PRKD2: variants seen among roughly 807,000 people sequenced by gnomAD.
The protein encoded by PRKD2 is protein kinase D2, also known as serine/threonine-protein kinase D2.
Under a neutral mutation model 86.0 loss-of-function variants are expected in PRKD2, and 22 were observed. The ratio of observed to expected loss-of-function variants is 0.26; its 90% CI spans 0.18 to 0.37. The LOEUF is 0.37. PRKD2 is among the 10% of genes least tolerant of loss of function. PRKD2 has a pLI of 1.00. For synonymous variants in PRKD2, 509 were observed against 510.9 expected, an observed-to-expected ratio of 1.00 and a Z score of 0.05; for missense variants, 818 against 1,199.2, an observed-to-expected ratio of 0.68 and a Z score of 4.70.
chr19:46,699,569 G>A (rs2053608179), intron 7 of PRKD2, among the ~76,000 whole-genome samples: 1 of 152,204 alleles, frequency 6.6e-6, no homozygotes, highest in Non-Finnish European at 1.5e-5. Context: ...GAAGCGCCTA[G>A]CAAGTGAAGT....
chr19:46,694,057 T>C lies in PRKD2; in HGVS notation c.1394A>G (p.His465Arg), dbSNP rs2122683882. The change falls in exon 10 of 18, where the codon CAC becomes CGC. Residue 465 changes from histidine (H) to arginine (R), a missense_variant. Coordinates refer to ENST00000291281, the MANE Select transcript of PRKD2 (RefSeq NM_016457.5). ...FSLVPPGTNPHCFEIVTANAT... is the reference protein window; with the variant it reads ...FSLVPPGTNPRCFEIVTANAT... Reference sequence around the variant, plus strand: ...ATTGGCAGTGACGATCTCAAAGCAGTGTGGGTTGGTGCCCGGCGGCACAAG... The same window carrying C: ...ATTGGCAGTGACGATCTCAAAGCAGCGTGGGTTGGTGCCCGGCGGCACAAG... The C allele has an allele frequency of 1.2e-6, 2 of 1,613,996 alleles. No individual in the cohort carries two copies. Among genetic ancestry groups the C allele is most frequent in the Non-Finnish European group, 1.7e-6 (2 of 1,179,994 alleles).
intron 9 of PRKD2, among the ~76,000 whole-genome samples, chr19:46,695,189 T>C (rs1196414966): frequency 6.7e-6 from 1 of 149,650 alleles, no homozygotes; most frequent in African/African-American, 2.5e-5. Flanking sequence ...AGAGCCTGTC[T>C]CAAAATAAAT....
intron 16 of PRKD2, among the ~76,000 whole-genome samples, chr19:46,677,885 C>A (rs2053233884): frequency 6.6e-6 from 1 of 152,166 alleles, no homozygotes; most frequent in South Asian, 2.1e-4. Flanking sequence ...AGGCTTCAGG[C>A]CCATCTTCAC....
At chr19:46,685,466 A>C (rs933391797) in intron 14 of PRKD2, 2 of 152,210 alleles carry the variant, frequency 1.3e-5, no homozygotes, top group African/African-American at 4.8e-5. Flanking sequence ...TCAGGAGGTA[A>C]AGGGCTTAGC....
At chr19:46,700,661 G>T in intron 7 of PRKD2, 138 bp downstream of exon 7, 1 of 1,156,232 alleles carries the variant, frequency 8.6e-7, no homozygotes, top group Non-Finnish European at 1.2e-6. Context: ...AAATTGTAGT[G>T]CTTTAAAAGG....
chr19:46,688,117 T>C (rs1004567232), intron 14 of PRKD2, among the ~76,000 whole-genome samples: 2 of 152,160 alleles, frequency 1.3e-5, no homozygotes, highest in African/African-American at 4.8e-5. Context: ...CTCCAACTCC[T>C]GGCTTCAAGC....
chr19:46,678,320 CCT>C lies in PRKD2; in HGVS notation c.2338+74_2338+75del, dbSNP rs759559374. 49 of 1,549,904 alleles carry C rather than the reference CCT, an allele frequency of 3.2e-5. No individual in the cohort carries two copies. Among genetic ancestry groups the C allele is most frequent in the Non-Finnish European group, 4.0e-5 (46 of 1,150,540 alleles). ...GCCAGGCTGTTTCCGGGTCCACCCCCCTCTCATGGCTCCGCCCACTTCTCCAG... is the reference window on the plus strand; with the variant it reads ...GCCAGGCTGTTTCCGGGTCCACCCCCCTCATGGCTCCGCCCACTTCTCCAG... On this transcript the variant is annotated intron_variant, in intron 16 of 17. Transcript: ENST00000291281. This position sits in a 1 kb window ranked among gnomAD's most constrained non-coding sequence, Gnocchi z 5.7.
chr19:46,686,292 C>G (rs1426779841), intron 14 of PRKD2: 3 of 151,706 alleles, frequency 2.0e-5, no homozygotes, highest in African/African-American at 7.3e-5. Flanking sequence ...ACCACTTAAG[C>G]CCAGGAGTTC....
chr19:46,697,302 T>C, intron 8 of PRKD2, 68 bp from the exon 9 acceptor site: 9 of 1,222,454 alleles, frequency 7.4e-6, no homozygotes, highest in Non-Finnish European at 1.1e-5. Context: ...CCCGTGGAGC[T>C]GCTTGGGGCT....
intron 16 of PRKD2, among the ~76,000 whole-genome samples, chr19:46,676,360 G>C (rs946812187): frequency 1.3e-5 from 2 of 152,216 alleles, no homozygotes. Context: ...AGGAGGCAGA[G>C]GTTGCAGTGA....
At chr19:46,702,973 G>A (rs2122741738) in intron 5 of PRKD2, among the ~76,000 whole-genome samples, 1 of 152,226 alleles carries the variant, frequency 6.6e-6, no homozygotes, top group African/African-American at 2.4e-5. Context: ...ACATGCATGA[G>A]CCACCACACC....
At chr19:46,695,484 A>G (rs1165215200) in intron 9 of PRKD2, among the ~76,000 whole-genome samples, 2 of 152,254 alleles carry the variant, frequency 1.3e-5, no homozygotes, top group Non-Finnish European at 2.9e-5. Flanking sequence ...CTCCGTCTCA[A>G]AAATAAACGT....
At position 46,713,883 on chromosome 19, in the gene PRKD2, A is replaced by G; in HGVS notation, c.359T>C (p.Leu120Pro). Reference protein sequence around the residue: ...RSSGDIQEGDLVEVVLSASAT... With the variant: ...RSSGDIQEGDPVEVVLSASAT... ...CTCACCCGACAGCACCACCTCCACCAGGTCGCCCTCCTGGATGTCTCCGGA... is the reference window on the plus strand; with the variant it reads ...CTCACCCGACAGCACCACCTCCACCGGGTCGCCCTCCTGGATGTCTCCGGA... Residue 120 changes from leucine to proline, a missense_variant, in exon 2 of 18, where the codon CTG (leucine) becomes CCG (proline). Coordinates refer to ENST00000291281, the MANE Select transcript of PRKD2 (RefSeq NM_016457.5). 6.9e-7 allele frequency: 1 copy of G among 1,455,392 alleles called. No individual in the cohort carries two copies. The highest frequency in any genetic ancestry group is 9.2e-7 in the Non-Finnish European group (1 of 1,087,204). 90.2% of individuals were successfully genotyped at this position (1,455,392 alleles called of 1,614,324 possible). A position where few individuals can be genotyped will look rare whatever the true frequency, so the allele number is the denominator to read the frequency against.
rs1376793567 is a variant in PRKD2 at position 46,702,043 on chromosome 19, T to TG, written c.890-932_890-931insC. Reference sequence around the variant, plus strand: ...GTTCTATGATTCTGTTTTTTGTTTTTTTTTTTTTTTTTTAAGAAACAGTCT... The same window carrying TG: ...GTTCTATGATTCTGTTTTTTGTTTTTGTTTTTTTTTTTTTAAGAAACAGTCT... On this transcript the variant is annotated intron_variant, in intron 5 of 17. Transcript: ENST00000291281. Among the ~76,000 whole-genome samples the TG allele has an allele frequency of 1.5e-4, 22 of 149,922 alleles. 1 individual carries two copies. The highest frequency in any genetic ancestry group is 4.9e-4 in the African/African-American group (20 of 40,568).
At chr19:46,695,902 G>C (rs567347489) in intron 9 of PRKD2, among the ~76,000 whole-genome samples, 2 of 151,980 alleles carry the variant, frequency 1.3e-5, no homozygotes, top group Non-Finnish European at 2.9e-5. Flanking sequence ...GCAGTGACGC[G>C]ATCTCAGCTC....
intron 15 of PRKD2, among the ~76,000 whole-genome samples, 196 bp downstream of exon 15, chr19:46,681,454 C>T (rs569640698): frequency 2.0e-5 from 3 of 151,736 alleles, no homozygotes; most frequent in Admixed American, 6.6e-5. Context: ...GATGAGGTCT[C>T]GCTATGTTGC....
rs60376212 is a variant in PRKD2, at chr19:46,688,499, C to T, written c.1971+1038G>A. Among the ~76,000 whole-genome samples the T allele has an allele frequency of 3.4e-3, 507 of 150,368 alleles. 3 individuals are homozygous for T. Among genetic ancestry groups the T allele is most frequent in the African/African-American group, 0.011 (465 of 40,906 alleles). ...TCCCCCAGGCTGGAGTACAATGGCACGATCTCAGCTCACTGTAACCTCTGC... is the reference window on the plus strand; with the variant it reads ...TCCCCCAGGCTGGAGTACAATGGCATGATCTCAGCTCACTGTAACCTCTGC... On this transcript the variant is annotated intron_variant, in intron 14 of 17. Coordinates refer to ENST00000291281, the MANE Select transcript of PRKD2 (RefSeq NM_016457.5).
intron 9 of PRKD2, among the ~76,000 whole-genome samples, chr19:46,695,897 GA>G (rs1483330996): frequency 6.6e-6 from 1 of 152,066 alleles, no homozygotes; most frequent in Admixed American, 6.6e-5. Flanking sequence ...GGAGTGCAGT[GA>G]CGCGATCTCA....
At position 46,689,573 on chromosome 19, in the gene PRKD2, C is replaced by T. The variant is rs1329030547; in HGVS notation, c.1935G>A (p.Arg645=). ...LEMILSSEKG[R]LPERLTKFLI... ...GGAACTTGGTGAGGCGCTCAGGCAGCCGGCCCTTCTCACTGGACAGGATCA... is the reference window on the plus strand; with the variant it reads ...GGAACTTGGTGAGGCGCTCAGGCAGTCGGCCCTTCTCACTGGACAGGATCA... Residue 645 remains arginine (R), a synonymous_variant, in exon 14 of 18, where the codon CGG becomes CGA. Coordinates refer to ENST00000291281, the MANE Select transcript of PRKD2 (RefSeq NM_016457.5). 8.1e-6 allele frequency: 13 copies of T among 1,613,256 alleles called. No homozygotes were observed. The highest frequency in any genetic ancestry group is 1.0e-5 in the Non-Finnish European group (12 of 1,179,778).
Sources: allele counts gnomAD v4.1 joint callset (sites outside exome capture counted in the v4.1 genomes callset), GRCh38; gene constraint gnomAD v4.1.1; non-coding constraint Gnocchi (gnomAD v3.1); transcripts MANE v1.5; gene names NCBI Gene and HGNC (gene_info 2026-07-23, HGNC 2026-07-21).